Variants in LRPPRC observed in about 807,000 individuals in gnomAD.
LRPPRC encodes leucine-rich PPR motif-containing protein, mitochondrial.
Under a neutral mutation model 180.3 loss-of-function variants are expected in LRPPRC, and 120 were observed. That is an observed-to-expected ratio of 0.67 (90% CI 0.57 to 0.77). LRPPRC has a LOEUF of 0.77. LRPPRC is among the 30% of genes least tolerant of loss of function. The probability of loss-of-function intolerance (pLI) is 0.00; values close to 1 mark genes in which losing one functional copy is unlikely to be tolerated. For missense variants in LRPPRC, 2,012 were observed against 1,657.2 expected (o/e 1.21, Z -3.72); for synonymous variants, 723 against 600.0 (o/e 1.21, Z -3.00).
chr2:43,890,576 G>A (rs1198299499), intron 36 of LRPPRC, among the ~76,000 whole-genome samples: 3 of 152,152 alleles, frequency 2.0e-5, no homozygotes, highest in Non-Finnish European at 4.4e-5. Context: ...AGCCGGGCGT[G>A]GTGGCGGGTG....
chr2:43,947,045 C>T (rs1672704599), intron 20 of LRPPRC, among the ~76,000 whole-genome samples: 1 of 152,086 alleles, frequency 6.6e-6, no homozygotes, highest in Non-Finnish European at 1.5e-5. Flanking sequence ...CTATCATTCA[C>T]TTTGCAGATT....
At chr2:43,974,968 C>G in intron 7 of LRPPRC, 123 bp downstream of exon 7, 2 of 1,068,568 alleles carry the variant, frequency 1.9e-6, no homozygotes, top group Non-Finnish European at 2.8e-6. Flanking sequence ...TCCATAAATA[C>G]TACTTTCTGC....
At chr2:43,910,099 C>G (rs1207329493) in intron 30 of LRPPRC, among the ~76,000 whole-genome samples, 2 of 152,054 alleles carry the variant, frequency 1.3e-5, no homozygotes, top group Non-Finnish European at 2.9e-5. Context: ...TGGTTCTGTC[C>G]CACTTAATAG....
chr2:43,978,999 T>G (rs1202479656), intron 3 of LRPPRC, among the ~76,000 whole-genome samples: 1 of 152,142 alleles, frequency 6.6e-6, no homozygotes, highest in Non-Finnish European at 1.5e-5. Flanking sequence ...TTTCATTGCA[T>G]TATACATGAT....
intron 23 of LRPPRC, among the ~76,000 whole-genome samples, chr2:43,943,131 T>G (rs949436895): frequency 1.3e-5 from 2 of 152,112 alleles, no homozygotes; most frequent in South Asian, 2.1e-4. Context: ...AGACTGACTT[T>G]ATGATTTACA....
At chr2:43,939,163 CCCAGCTACT>C (rs1429259551) in intron 23 of LRPPRC, among the ~76,000 whole-genome samples, 5 of 151,608 alleles carry the variant, frequency 3.3e-5, no homozygotes, top group Non-Finnish European at 7.4e-5. Context: ...CACCTGTAGT[CCCAGCTACT>C]CGGGAGGCTG....
At chr2:43,905,325 A>G (rs1671033071) in intron 31 of LRPPRC, among the ~76,000 whole-genome samples, 2 of 152,226 alleles carry the variant, frequency 1.3e-5, no homozygotes, top group South Asian at 2.1e-4. Flanking sequence ...CAGATGCTCT[A>G]AAGTATGTTA....
chr2:43,934,812 C>A lies in LRPPRC; in HGVS notation c.2571G>T (p.Arg857Ser), dbSNP rs1401531827. Residue 857 changes from arginine to serine, a missense_variant, in exon 24 of 38, where the codon AGG (arginine) becomes AGT (serine). By Grantham distance (110) the Arg-to-Ser change is moderately radical. Transcript: ENST00000260665. ...CCAGTTTACACAAGACATCATGAAT[C>A]CTTGGTAATACTTTATACTTTTCAT... ...DCYEKYKVLP[R>S]IHDVLCKLVE... 6.2e-7 allele frequency: 1 copy of A among 1,611,456 alleles called. No homozygotes were observed. Among genetic ancestry groups the A allele is most frequent in the South Asian group, 1.1e-5 (1 of 91,010 alleles).
At chr2:43,976,642 A>ACAC in intron 5 of LRPPRC, among the ~76,000 whole-genome samples, 1 of 152,012 alleles carries the variant, frequency 6.6e-6, no homozygotes, top group East Asian at 1.9e-4. Flanking sequence ...CTGATTTTCT[A>ACAC]CACTACTTCC....
intron 16 of LRPPRC, among the ~76,000 whole-genome samples, chr2:43,948,806 C>A (rs1286876689): frequency 6.6e-6 from 1 of 152,014 alleles, no homozygotes; most frequent in Non-Finnish European, 1.5e-5. Flanking sequence ...GTGGTCCTGC[C>A]CAAGGCCTTA....
chr2:43,991,815 T>C (rs1158534053), intron 1 of LRPPRC, among the ~76,000 whole-genome samples: 1 of 152,260 alleles, frequency 6.6e-6, no homozygotes, highest in African/African-American at 2.4e-5. Flanking sequence ...AATACTCATT[T>C]GTCCTCAAAT....
intron 30 of LRPPRC, among the ~76,000 whole-genome samples, chr2:43,911,177 G>C (rs567283986): frequency 6.6e-6 from 1 of 150,578 alleles, no homozygotes; most frequent in Admixed American, 6.6e-5. Context: ...TATAAAATTT[G>C]ATTAGGAATT....
intron 27 of LRPPRC, among the ~76,000 whole-genome samples, chr2:43,920,684 T>A (rs866163300): frequency 4.1e-5 from 6 of 146,944 alleles, no homozygotes; most frequent in Middle Eastern, 3.5e-3. Flanking sequence ...TTATTTGATT[T>A]AAAAAAAAAA....
chr2:43,935,984 G>C (rs1414613010), intron 23 of LRPPRC, among the ~76,000 whole-genome samples: 1 of 152,118 alleles, frequency 6.6e-6, no homozygotes, highest in Non-Finnish European at 1.5e-5. Context: ...TCGGGGGGCT[G>C]AGGAGGGAGA....
intron 27 of LRPPRC, among the ~76,000 whole-genome samples, chr2:43,920,405 G>A (rs976313168): frequency 6.6e-6 from 1 of 152,122 alleles, no homozygotes; most frequent in Non-Finnish European, 1.5e-5. Flanking sequence ...CAAAGTGCTG[G>A]GATTATAGGT....
Position 43,920,176 on chromosome 2 carries a change from C to T in LRPPRC, c.2897-1778G>A, listed in dbSNP as rs567560443. Among the ~76,000 whole-genome samples, 672 of 151,832 alleles carry T rather than the reference C, an allele frequency of 4.4e-3. 3 individuals carry two copies. The highest frequency in any genetic ancestry group is 0.01 in the Middle Eastern group (3 of 290). ...TTTGAGATGGAGTCTTGCTCTGTTGCCCAGGCTGGAGTGCAGTGGCCCGAT... is the reference window on the plus strand; with the variant it reads ...TTTGAGATGGAGTCTTGCTCTGTTGTCCAGGCTGGAGTGCAGTGGCCCGAT... On this transcript the variant is annotated intron_variant, in intron 27 of 37. Transcript: ENST00000260665.
intron 36 of LRPPRC, chr2:43,892,781 A>G (rs572885056): frequency 6.6e-6 from 1 of 152,300 alleles, no homozygotes; most frequent in South Asian, 2.1e-4. Context: ...AAATGTGTAA[A>G]GCGTTCCATG....
intron 23 of LRPPRC, among the ~76,000 whole-genome samples, chr2:43,936,486 AAC>A (rs1204900645): frequency 2.0e-5 from 3 of 152,232 alleles, no homozygotes; most frequent in Non-Finnish European, 2.9e-5. Context: ...TCATACACAT[AAC>A]AGTTTTCAAA....
At chr2:43,950,448 C>A in intron 15 of LRPPRC, 125 bp downstream of exon 15, 1 of 832,776 alleles carries the variant, frequency 1.2e-6, no homozygotes, top group South Asian at 1.4e-5. Flanking sequence ...TCAACATTAA[C>A]TCTGCCAGCA....
Sources: gnomAD v4.1 joint callset for allele counts (sites outside exome capture counted in the v4.1 genomes callset) on GRCh38, gnomAD v4.1.1 for gene constraint, MANE v1.5 for transcripts, NCBI Gene and HGNC (gene_info 2026-07-23, HGNC 2026-07-21) for gene names.